The following GOLGA5 variants were observed in gnomAD, a reference collection of about 807,000 sequenced individuals.
GOLGA5 encodes the protein golgin A5, also known as golgin subfamily A member 5.
GOLGA5 carries 50 observed loss-of-function variants against 93.5 expected under a neutral mutation model. The ratio of observed to expected loss-of-function variants is 0.53; its 90% CI spans 0.43 to 0.68. The LOEUF (loss-of-function observed/expected upper bound fraction) is 0.68, where lower values mean the gene tolerates loss of function less well. GOLGA5 is among the 30% of genes least tolerant of loss of function. GOLGA5 has a pLI of 0.00. For missense variants in GOLGA5, 760 were observed against 856.4 expected, an observed-to-expected ratio of 0.89 and a Z score of 1.40; for synonymous variants, 312 against 304.5, an observed-to-expected ratio of 1.02 and a Z score of -0.26.
At chr14:92,811,234 A>G (rs1387693488) in intron 5 of GOLGA5, among the ~76,000 whole-genome samples, 1 of 152,250 alleles carries the variant, frequency 6.6e-6, no homozygotes, top group Non-Finnish European at 1.5e-5. Context: ...CCAAGTGACC[A>G]GGTTCACCTG....
chr14:92,795,994 A>G (rs551956382), intron 1 of GOLGA5, among the ~76,000 whole-genome samples: 59 of 152,382 alleles, frequency 3.9e-4, no homozygotes, highest in Middle Eastern at 3.4e-3. Flanking sequence ...GTGGCACACA[A>G]TAAGTACTCA....
chr14:92,812,366 C>T (rs1214740989), intron 6 of GOLGA5, among the ~76,000 whole-genome samples: 7 of 152,138 alleles, frequency 4.6e-5, no homozygotes, highest in Admixed American at 1.3e-4. Context: ...CTGCTGCTGC[C>T]TTCTGGCTCA....
rs1347304606 is a variant in GOLGA5 at position 92,811,916 on chromosome 14, T to G, written c.1320+162T>G. 2.1e-5 allele frequency among the ~76,000 whole-genome samples: 3 copies of G among 139,962 alleles called. No individual in the cohort carries two copies. In the Admixed American group the frequency reaches 2.2e-4, roughly 10 times the overall value. The allele number at this position is 139,962 out of a possible 152,430, so 91.8% of individuals were successfully genotyped here. The stretch of plus-strand genomic sequence containing the variant: ...TTAGAAATTTTATTAAAGGATGCAG[T>G]GTTTCTTGTTCCTACCACTTCTTTT... On this transcript the variant is annotated intron_variant, in intron 6 of 12. Transcript: ENST00000163416.
At chr14:92,826,697 CA>C (rs200131503) in intron 9 of GOLGA5, among the ~76,000 whole-genome samples, 1,679 of 100,912 alleles carry the variant, frequency 0.017, 22 homozygotes, top group South Asian at 0.077. Context: ...GACTCTATCT[CA>C]AAAAAAAAAA....
chr14:92,829,155 G>GT (rs1287525847), intron 9 of GOLGA5, among the ~76,000 whole-genome samples: 6 of 151,988 alleles, frequency 3.9e-5, no homozygotes, highest in African/African-American at 1.2e-4. Context: ...TAGAAATGAG[G>GT]TCTCACTATG....
intron 7 of GOLGA5, among the ~76,000 whole-genome samples, chr14:92,817,221 G>T (rs118054579): frequency 1.3e-5 from 2 of 152,218 alleles, no homozygotes. Flanking sequence ...GATTAGAGAC[G>T]TGAGCCACCA....
chr14:92,834,677 G>A (rs1364464558), intron 10 of GOLGA5, among the ~76,000 whole-genome samples: 1 of 152,188 alleles, frequency 6.6e-6, no homozygotes, highest in Non-Finnish European at 1.5e-5. Flanking sequence ...AGAATAGGCC[G>A]TTGAGGCCTG....
intron 11 of GOLGA5, among the ~76,000 whole-genome samples, chr14:92,836,089 T>A (rs1004263488): frequency 2.0e-5 from 3 of 152,058 alleles, no homozygotes; most frequent in African/African-American, 7.2e-5. Flanking sequence ...TATATATAGC[T>A]GAACAGCACT....
intron 8 of GOLGA5, among the ~76,000 whole-genome samples, chr14:92,823,319 T>C (rs1217275129): frequency 6.6e-6 from 1 of 152,210 alleles, no homozygotes; most frequent in Non-Finnish European, 1.5e-5. Flanking sequence ...TGTCTGTTTA[T>C]GCATCAGTAC....
chr14:92,816,039 A>G (rs1253571499), intron 6 of GOLGA5, among the ~76,000 whole-genome samples: 1 of 152,130 alleles, frequency 6.6e-6, no homozygotes, highest in Admixed American at 6.5e-5. Context: ...CAAGCTTTCA[A>G]CTTTACCATG....
At position 92,839,520 on chromosome 14, in the gene GOLGA5, A is replaced by C. The variant is rs1047770874; in HGVS notation, c.*74A>C. ...ATCTGCAAGAAGGCCAATTGCCTAA[A>C]ATTTCTGAGAACAGTGCACAAGATT... is the stretch of plus-strand genomic sequence containing the variant. On this transcript the variant is annotated 3_prime_UTR_variant, in exon 13 of 13. Transcript: ENST00000163416. The C allele has an allele frequency of 4.2e-5, 38 of 907,654 alleles. No individual in the cohort carries two copies. Among genetic ancestry groups the C allele is most frequent in the Middle Eastern group, 2.1e-4 (1 of 4,736 alleles). 56.2% of individuals were successfully genotyped at this position (907,654 alleles called of 1,614,324 possible).
At chr14:92,814,723 A>C (rs1885168524) in intron 6 of GOLGA5, among the ~76,000 whole-genome samples, 1 of 152,208 alleles carries the variant, frequency 6.6e-6, no homozygotes, top group Non-Finnish European at 1.5e-5. Context: ...ACTTTAAAAT[A>C]TTTTAATTTA....
At chr14:92,833,095 G>A in intron 9 of GOLGA5, 27 bp from the exon 10 acceptor site, 1 of 1,234,386 alleles carries the variant, frequency 8.1e-7, no homozygotes, top group South Asian at 1.2e-5. Flanking sequence ...TTTTATGTAA[G>A]AATTTTGTGA....
intron 3 of GOLGA5, among the ~76,000 whole-genome samples, chr14:92,808,864 A>G (rs966896235): frequency 1.3e-5 from 2 of 152,198 alleles, no homozygotes; most frequent in African/African-American, 4.8e-5. Flanking sequence ...TCCTAGGTCA[A>G]AAGAATAACA....
At chr14:92,798,079 T>C (rs1237819056) in intron 2 of GOLGA5, 98 bp downstream of exon 2, 2 of 813,030 alleles carry the variant, frequency 2.5e-6, no homozygotes, top group Admixed American at 4.7e-5. Flanking sequence ...ATGGAATCTG[T>C]CTCCACTGGT....
At position 92,835,547 on chromosome 14, in the gene GOLGA5, T is replaced by C; in HGVS notation, c.1946-12T>C. 6.5e-7 allele frequency: 1 copy of C among 1,549,034 alleles called. No homozygotes were observed. Among genetic ancestry groups the C allele is most frequent in the Non-Finnish European group, 8.9e-7 (1 of 1,121,110 alleles). Reference sequence around the variant, plus strand: ...TATGTCAGTACACTAATTTATTTTCTTATTTAAACAGGCACTCGTCTGCGA... The same window carrying C: ...TATGTCAGTACACTAATTTATTTTCCTATTTAAACAGGCACTCGTCTGCGA... On this transcript the variant is annotated splice_polypyrimidine_tract_variant and intron_variant, in intron 10 of 12. Coordinates refer to ENST00000163416, the MANE Select transcript of GOLGA5 (RefSeq NM_005113.4).
intron 12 of GOLGA5, among the ~76,000 whole-genome samples, chr14:92,838,881 G>T (rs1303041030): frequency 6.6e-6 from 1 of 152,006 alleles, no homozygotes; most frequent in Non-Finnish European, 1.5e-5. Context: ...GTATCATTTC[G>T]GTACTACCAT....
intron 10 of GOLGA5, 87 bp downstream of exon 10, chr14:92,833,434 C>G (rs1368936392): frequency 2.1e-6 from 2 of 974,196 alleles, no homozygotes; most frequent in Non-Finnish European, 3.2e-6. Flanking sequence ...TTGAAAGAAA[C>G]TTCATCCAGT....
At chr14:92,836,146 A>G (rs1023624658) in intron 11 of GOLGA5, among the ~76,000 whole-genome samples, 4 of 152,086 alleles carry the variant, frequency 2.6e-5, no homozygotes, top group Admixed American at 1.3e-4. Flanking sequence ...ATGTTTATGT[A>G]TATGTAAATT....
Sources: gnomAD v4.1 joint callset for allele counts (sites outside exome capture counted in the v4.1 genomes callset) on GRCh38, gnomAD v4.1.1 for gene constraint, MANE v1.5 for transcripts, NCBI Gene and HGNC (gene_info 2026-07-23, HGNC 2026-07-21) for gene names.